ADAMTS6: variants seen among roughly 807,000 people sequenced by gnomAD.
ADAMTS6 encodes the protein ADAM metallopeptidase with thrombospondin type 1 motif 6, also known as A disintegrin and metalloproteinase with thrombospondin motifs 6.
Under a neutral mutation model 144.3 loss-of-function variants are expected in ADAMTS6, and 23 were observed. The observed-to-expected ratio is 0.16, with a 90% confidence interval of 0.11 to 0.23. The LOEUF (loss-of-function observed/expected upper bound fraction) is 0.23, where lower values mean the gene tolerates loss of function less well. ADAMTS6 is among the 10% of genes least tolerant of loss of function. The probability of loss-of-function intolerance (pLI) is 1.00; values close to 1 mark genes in which losing one functional copy is unlikely to be tolerated. For missense variants in ADAMTS6, 999 were observed against 1,379.6 expected (o/e 0.72, Z 4.37); for synonymous variants, 444 against 457.5 (o/e 0.97, Z 0.38).
chr5:65,425,085 C>T (rs563357455), intron 7 of ADAMTS6, among the ~76,000 whole-genome samples: 18 of 152,318 alleles, frequency 1.2e-4, no homozygotes, highest in African/African-American at 4.3e-4. Flanking sequence ...CAACCTCTAC[C>T]TCCCAGGTTC....
intron 9 of ADAMTS6, among the ~76,000 whole-genome samples, chr5:65,313,336 G>A (rs776071109): frequency 3.3e-5 from 5 of 151,916 alleles, no homozygotes; most frequent in Admixed American, 6.6e-5. Context: ...ATGTCTTTAC[G>A]TTATTGTTTT....
At chr5:65,240,400 G>A (rs1007243901) in intron 15 of ADAMTS6, among the ~76,000 whole-genome samples, 2 of 152,146 alleles carry the variant, frequency 1.3e-5, no homozygotes, top group African/African-American at 4.8e-5. Context: ...AAGTCAGAAT[G>A]ATGGTTGTCT....
rs748108378 is a variant in ADAMTS6 at position 65,260,678 on chromosome 5, T to C, written c.1767-15A>G. The stretch of plus-strand genomic sequence containing the variant: ...CTCCTGAAGGTCTGAAAAAACATTG[T>C]GTTTAAAATGTGAATACTAATACAT... On this transcript the variant is annotated splice_polypyrimidine_tract_variant and intron_variant, in intron 13 of 24. Coordinates refer to ENST00000381055, the MANE Select transcript of ADAMTS6 (RefSeq NM_197941.4). The C allele has an allele frequency of 6.2e-7, 1 of 1,607,332 alleles. No individual in the cohort carries two copies. Among genetic ancestry groups the C allele is most frequent in the East Asian group, 2.2e-5 (1 of 44,700 alleles).
intron 12 of ADAMTS6, among the ~76,000 whole-genome samples, chr5:65,267,039 A>G (rs1047561339): frequency 2.0e-5 from 3 of 152,072 alleles, no homozygotes; most frequent in Non-Finnish European, 4.4e-5. Context: ...TAGAATAATT[A>G]GATTACACCA....
At chr5:65,358,339 G>A (rs1393628151) in intron 7 of ADAMTS6, among the ~76,000 whole-genome samples, 2 of 151,874 alleles carry the variant, frequency 1.3e-5, no homozygotes, top group Non-Finnish European at 2.9e-5. Flanking sequence ...GATCCTATAT[G>A]ACAAGCCCAC....
intron 9 of ADAMTS6, among the ~76,000 whole-genome samples, chr5:65,313,507 C>T (rs188891518): frequency 6.6e-6 from 1 of 151,700 alleles, no homozygotes; most frequent in East Asian, 1.9e-4. Context: ...TCTTACTGGC[C>T]CTGACCAAAA....
At chr5:65,216,080 C>A (rs1756896567) in intron 18 of ADAMTS6, among the ~76,000 whole-genome samples, 2 of 151,740 alleles carry the variant, frequency 1.3e-5, no homozygotes, top group African/African-American at 4.8e-5. Flanking sequence ...CAATTCAACT[C>A]CTAGGCACAT....
chr5:65,164,436 C>T lies in ADAMTS6; in HGVS notation c.3244+6181G>A, dbSNP rs1242167779. 2.7e-4 allele frequency among the ~76,000 whole-genome samples: 40 copies of T among 147,438 alleles called. 1 individual carries two copies. The highest frequency in any genetic ancestry group is 3.6e-3 in the Middle Eastern group (1 of 276). On this transcript the variant is annotated intron_variant, in intron 24 of 24. Transcript: ENST00000381055. ...AGCAGTCTGAGATCAAATTGCAAGG[C>T]GGCAGCGAGGCTGGGGGAGGGGCGC...
intron 18 of ADAMTS6, among the ~76,000 whole-genome samples, chr5:65,217,824 A>C (rs921283465): frequency 6.6e-6 from 1 of 152,224 alleles, no homozygotes; most frequent in Admixed American, 6.5e-5. Flanking sequence ...CATCAAATAA[A>C]TAGAACTTCT....
At chr5:65,229,607 A>G (rs11747962) in intron 15 of ADAMTS6, among the ~76,000 whole-genome samples, 44,546 of 151,970 alleles carry the variant, frequency 0.29, 6,766 homozygotes, top group Admixed American at 0.38. Context: ...GATAGAAATC[A>G]TTAATAAAAA....
At chr5:65,257,884 T>C (rs1476330604) in intron 14 of ADAMTS6, among the ~76,000 whole-genome samples, 3 of 152,220 alleles carry the variant, frequency 2.0e-5, no homozygotes, top group African/African-American at 7.2e-5. Flanking sequence ...TAATTGTCTG[T>C]ACCTAAGTGA....
At chr5:65,335,096 C>CT (rs1309363596) in intron 7 of ADAMTS6, among the ~76,000 whole-genome samples, 17 of 152,068 alleles carry the variant, frequency 1.1e-4, no homozygotes, top group African/African-American at 4.1e-4. Context: ...CAAATAATCC[C>CT]ATTCTTACTT....
At chr5:65,172,369 G>A (rs911496831) in intron 23 of ADAMTS6, among the ~76,000 whole-genome samples, 8 of 150,782 alleles carry the variant, frequency 5.3e-5, no homozygotes, top group South Asian at 2.1e-4. Flanking sequence ...AGCCGAGATC[G>A]CGCCACTGCA....
At chr5:65,479,869 A>G (rs2150296725) in intron 1 of ADAMTS6, among the ~76,000 whole-genome samples, 1 of 152,328 alleles carries the variant, frequency 6.6e-6, no homozygotes, top group South Asian at 2.1e-4. Context: ...ACCACTACAC[A>G]GACTTCATTT....
intron 17 of ADAMTS6, 45 bp downstream of exon 17, chr5:65,224,879 C>G: frequency 6.4e-7 from 1 of 1,553,074 alleles, no homozygotes; most frequent in South Asian, 1.2e-5. Flanking sequence ...TTGGCTCCTC[C>G]AAGTACACCA....
chr5:65,442,250 A>G (rs1757920981), intron 7 of ADAMTS6, among the ~76,000 whole-genome samples: 1 of 152,288 alleles, frequency 6.6e-6, no homozygotes, highest in East Asian at 1.9e-4. Flanking sequence ...TACAGATATT[A>G]AAAGGATAAT....
At chr5:65,396,653 T>C (rs1264516292) in intron 7 of ADAMTS6, among the ~76,000 whole-genome samples, 1 of 152,206 alleles carries the variant, frequency 6.6e-6, no homozygotes, top group Non-Finnish European at 1.5e-5. Context: ...AAACACTAAA[T>C]ACATCTTTTA....
chr5:65,181,594 G>A (rs1426370720), intron 22 of ADAMTS6, among the ~76,000 whole-genome samples: 2 of 152,110 alleles, frequency 1.3e-5, no homozygotes, highest in African/African-American at 4.8e-5. Context: ...CTAAATCCTA[G>A]GCCTTGTGAC....
intron 7 of ADAMTS6, among the ~76,000 whole-genome samples, chr5:65,449,375 G>C (rs911323651): frequency 6.6e-6 from 1 of 152,166 alleles, no homozygotes; most frequent in African/African-American, 2.4e-5. Context: ...CCAGCACTTT[G>C]GGAGGCCGAG....
Sources: allele counts gnomAD v4.1 joint callset (sites outside exome capture counted in the v4.1 genomes callset), GRCh38; gene constraint gnomAD v4.1.1; transcripts MANE v1.5; gene names NCBI Gene and HGNC (gene_info 2026-07-23, HGNC 2026-07-21).